THNSL1: variants seen among roughly 807,000 people sequenced by gnomAD.
THNSL1 encodes the protein threonine synthase like 1, also known as threonine synthase-like 1.
Under a neutral mutation model 50.4 loss-of-function variants are expected in THNSL1, and 48 were observed. The ratio of observed to expected loss-of-function variants is 0.95; its 90% CI spans 0.76 to 1.21. The LOEUF is 1.21. Ranked by LOEUF, THNSL1 falls within the 50% of genes most tolerant of loss-of-function variation. The pLI, the probability that THNSL1 is intolerant of heterozygous loss-of-function variation, is 0.00. For synonymous variants in THNSL1, 309 were observed against 306.1 expected, an observed-to-expected ratio of 1.01 and a Z score of -0.10; for missense variants, 896 against 871.7, an observed-to-expected ratio of 1.03 and a Z score of -0.35.
At chr10:24,978,824 T>C in the THNSL1 span, among the ~76,000 whole-genome samples, 2 of 152,172 alleles carry the variant, frequency 1.3e-5, no homozygotes, top group Admixed American at 1.3e-4. Flanking sequence ...TTTATAGTTA[T>C]AGACCATTAG....
At chr10:25,015,667 T>C (rs1850550766), upstream of THNSL1, among the ~76,000 whole-genome samples, 1 of 152,226 alleles carries the variant, frequency 6.6e-6, no homozygotes, top group Non-Finnish European at 1.5e-5. Flanking sequence ...CAGACTGCCC[T>C]CTCTGTAAAA....
the THNSL1 span, among the ~76,000 whole-genome samples, chr10:24,973,807 G>A: frequency 6.6e-6 from 1 of 152,054 alleles, no homozygotes; most frequent in Non-Finnish European, 1.5e-5. Context: ...AGGCTGGAGT[G>A]AAGTGGCATG....
At chr10:24,963,358 C>T in the THNSL1 span, among the ~76,000 whole-genome samples, 1 of 152,144 alleles carries the variant, frequency 6.6e-6, no homozygotes, top group Non-Finnish European at 1.5e-5. Flanking sequence ...TCTTTTTCGA[C>T]ATTTATTTTC....
rs543837237 is a variant in THNSL1 at position 25,019,170 on chromosome 10, T to C, written c.-216+2478T>C. Among the ~76,000 whole-genome samples, 683 of 152,328 alleles carry C rather than the reference T, an allele frequency of 4.5e-3. 4 individuals carry two copies. Among genetic ancestry groups the C allele is most frequent in the South Asian group, 0.034 (163 of 4,824 alleles). The stretch of plus-strand genomic sequence containing the variant: ...ATTCTCAGATTCAACTAATTACAGA[T>C]TGAAAATATTTTAAAATTTTAGTTG... On this transcript the variant is annotated intron_variant, in intron 1 of 2. Coordinates refer to ENST00000376356, the MANE Select transcript of THNSL1 (RefSeq NM_024838.5).
the THNSL1 span, among the ~76,000 whole-genome samples, chr10:24,978,250 C>T: frequency 6.6e-6 from 1 of 152,098 alleles, no homozygotes; most frequent in Admixed American, 6.6e-5. Flanking sequence ...TTTGGCTTCG[C>T]TCCACAATTT....
upstream of THNSL1, among the ~76,000 whole-genome samples, chr10:25,014,168 C>T (rs1850512794): frequency 6.6e-6 from 1 of 152,088 alleles, no homozygotes; most frequent in Admixed American, 6.5e-5. Context: ...TTAGTATCTT[C>T]ATCTCTCATT....
the THNSL1 span, among the ~76,000 whole-genome samples, chr10:24,971,887 T>G: frequency 3.3e-5 from 5 of 152,164 alleles, no homozygotes; most frequent in Non-Finnish European, 7.4e-5. Context: ...ATGTTAGGTT[T>G]AACTGACATT....
the THNSL1 span, among the ~76,000 whole-genome samples, chr10:24,966,984 G>T: frequency 6.6e-6 from 1 of 152,036 alleles, no homozygotes; most frequent in Non-Finnish European, 1.5e-5. Context: ...TCATGGCTTT[G>T]AAAAGTCATA....
the THNSL1 span, among the ~76,000 whole-genome samples, chr10:24,955,904 A>C: frequency 6.6e-6 from 1 of 152,186 alleles, no homozygotes; most frequent in Middle Eastern, 3.4e-3. Flanking sequence ...TCATAATTGC[A>C]CCACTGCACT....
chr10:24,991,791 G>C, the THNSL1 span, among the ~76,000 whole-genome samples: 8 of 152,230 alleles, frequency 5.3e-5, no homozygotes, highest in Non-Finnish European at 1.0e-4. Flanking sequence ...CTTGTCATAA[G>C]GCAGGGAGTC....
chr10:25,006,808 C>G, the THNSL1 span, among the ~76,000 whole-genome samples: 1 of 152,146 alleles, frequency 6.6e-6, no homozygotes, highest in Admixed American at 6.6e-5. Flanking sequence ...ATTAAACTTA[C>G]GAGCTTTGGT....
At chr10:24,988,696 A>G in the THNSL1 span, among the ~76,000 whole-genome samples, 227 of 34,550 alleles carry the variant, frequency 6.6e-3, 9 homozygotes, top group African/African-American at 0.028. Flanking sequence ...ATATATATAT[A>G]TATATATATA....
chr10:24,988,727 T>TGTATATATA, the THNSL1 span, among the ~76,000 whole-genome samples: 1 of 71,898 alleles, frequency 1.4e-5, no homozygotes, highest in African/African-American at 5.7e-5. Context: ...TATATATATA[T>TGTATATATA]TCCTCATTTT....
chr10:24,953,974 A>G, the THNSL1 span, among the ~76,000 whole-genome samples: 1 of 152,154 alleles, frequency 6.6e-6, no homozygotes, highest in African/African-American at 2.4e-5. Context: ...TGCCTTACAG[A>G]AATGGGGGGT....
At chr10:24,959,447 G>T in the THNSL1 span, among the ~76,000 whole-genome samples, 1 of 152,222 alleles carries the variant, frequency 6.6e-6, no homozygotes, top group Non-Finnish European at 1.5e-5. Flanking sequence ...GAAAGTAAAA[G>T]AAATTGGACA....
chr10:24,958,050 A>C, the THNSL1 span, among the ~76,000 whole-genome samples: 1 of 152,366 alleles, frequency 6.6e-6, no homozygotes, highest in Non-Finnish European at 1.5e-5. Flanking sequence ...GGAACAGTTC[A>C]GTCTATCCAC....
rs1564350563 is a variant in THNSL1, at chr10:25,024,769, G to C, written c.1546G>C (p.Ala516Pro). ...IPTGNFGNILAAVYAKMMGIP... is the reference protein window; with the variant it reads ...IPTGNFGNILPAVYAKMMGIP... ...CACAGGAAACTTTGGTAACATTTTA[G>C]CAGCAGTGTATGCCAAAATGATGGG... The change falls in exon 3 of 3, where the codon GCA (alanine) becomes CCA (proline). Residue 516 changes from alanine to proline, a missense_variant. Coordinates refer to ENST00000376356, the MANE Select transcript of THNSL1 (RefSeq NM_024838.5). 2 of 1,614,130 alleles carry C rather than the reference G, an allele frequency of 1.2e-6. No individual in the cohort carries two copies. The highest frequency in any genetic ancestry group is 1.7e-6 in the Non-Finnish European group (2 of 1,180,032).
the THNSL1 span, among the ~76,000 whole-genome samples, chr10:25,008,215 G>A: frequency 6.6e-6 from 1 of 151,944 alleles, no homozygotes; most frequent in African/African-American, 2.4e-5. Context: ...TTGCAGCAAT[G>A]GGAATTTTAG....
chr10:24,984,938 A>C, the THNSL1 span: 1 of 1,554,958 alleles, frequency 6.4e-7, no homozygotes. Context: ...TAAATACCAA[A>C]GCAAACTGCA....
Sources: allele counts gnomAD v4.1 joint callset (sites outside exome capture counted in the v4.1 genomes callset), GRCh38; gene constraint gnomAD v4.1.1; transcripts MANE v1.5; gene names NCBI Gene and HGNC (gene_info 2026-07-23, HGNC 2026-07-21).